CMYA5: variants seen among roughly 807,000 people sequenced by gnomAD.
CMYA5 encodes cardiomyopathy-associated protein 5.
Under a neutral mutation model 318.9 loss-of-function variants are expected in CMYA5, and 246 were observed. The observed-to-expected ratio is 0.77, with a 90% confidence interval of 0.70 to 0.86. CMYA5 has a LOEUF of 0.86. Ranked by LOEUF, CMYA5 falls within the 40% of genes least tolerant of loss-of-function variation. CMYA5 has a pLI of 0.00. For missense variants in CMYA5, 4,589 were observed against 4,678.2 expected, an observed-to-expected ratio of 0.98 and a Z score of 0.56; for synonymous variants, 1,641 against 1,729.5, an observed-to-expected ratio of 0.95 and a Z score of 1.27.
chr5:79,701,090 CAAAAAAA>C (rs1554097982), intron 1 of CMYA5, among the ~76,000 whole-genome samples: 1 of 114,926 alleles, frequency 8.7e-6, no homozygotes, highest in Admixed American at 9.7e-5. Context: ...ACTAAAAATA[CAAAAAAA>C]AAAAAAAAAA....
At chr5:79,691,154 A>G (rs962663303) in intron 1 of CMYA5, among the ~76,000 whole-genome samples, 1 of 152,200 alleles carries the variant, frequency 6.6e-6, no homozygotes, top group African/African-American at 2.4e-5. Flanking sequence ...GGTACTGTGC[A>G]AGGGCAGAAG....
At chr5:79,690,592 A>G (rs1448325226) in intron 1 of CMYA5, among the ~76,000 whole-genome samples, 2 of 152,180 alleles carry the variant, frequency 1.3e-5, no homozygotes, top group East Asian at 3.8e-4. Flanking sequence ...CCTGGTCCCA[A>G]ATCCCAAATA....
intron 9 of CMYA5, among the ~76,000 whole-genome samples, chr5:79,778,817 G>GTGTGTGTGTGTGTATGTGTA (rs1561228882): frequency 1.8e-5 from 2 of 112,910 alleles, no homozygotes; most frequent in African/African-American, 8.5e-5. Flanking sequence ...CTTTCTGTGT[G>GTGTGTGTGTGTGTATGTGTA]TGTGTGTGTG....
At chr5:79,701,201 T>C (rs1158113519) in intron 1 of CMYA5, among the ~76,000 whole-genome samples, 1 of 151,908 alleles carries the variant, frequency 6.6e-6, no homozygotes, top group African/African-American at 2.4e-5. Context: ...GTGAGTGGGA[T>C]TGCGCCACTG....
intron 8 of CMYA5, chr5:79,762,761 G>A (rs1828676616): frequency 3.5e-6 from 1 of 286,942 alleles, no homozygotes; most frequent in South Asian, 7.1e-5. Flanking sequence ...CTGGGACAGG[G>A]GAAAGAATCT....
intron 1 of CMYA5, among the ~76,000 whole-genome samples, chr5:79,723,850 A>G (rs1210982504): frequency 4.6e-5 from 7 of 152,176 alleles, no homozygotes; most frequent in Non-Finnish European, 1.0e-4. Context: ...ATTTCTAAAC[A>G]TAGTATTAGC....
chr5:79,734,640 C>T lies in CMYA5; in HGVS notation c.5875C>T (p.Gln1959Ter). The T allele has an allele frequency of 6.2e-7, 1 of 1,613,774 alleles. No homozygotes were observed. The highest frequency in any genetic ancestry group is 8.5e-7 in the Non-Finnish European group (1 of 1,179,744). ...TGCTGAAGAATCTCATTTGTCATCA[C>T]AAGAAGCAGTATCTGCTCTTGATAC... ...HSAEESHLSS[Q>*]EAVSALDTSS... Residue 1959 changes from glutamine (Q) to a stop codon, truncating the protein, a stop_gained, in exon 2 of 13, where the codon CAA becomes TAA. Coordinates refer to ENST00000446378, the MANE Select transcript of CMYA5 (RefSeq NM_153610.5). LOFTEE classifies it high-confidence loss of function.
In CMYA5 at chr5:79,736,823, A is replaced by G; in HGVS notation, c.8058A>G (p.Ser2686=). ...AGTCAGAGCTATCGAAAGGCGGTTC[A>G]GTAGATATCACAAAAGAAACTGTGA... is the stretch of plus-strand genomic sequence containing the variant. ...FRESELSKGG[S]VDITKETVKQ... Residue 2686 remains serine, a synonymous_variant, in exon 2 of 13, where the codon TCA becomes TCG. Coordinates refer to ENST00000446378, the MANE Select transcript of CMYA5 (RefSeq NM_153610.5). 6.2e-7 allele frequency: 1 copy of G among 1,613,280 alleles called. No homozygotes were observed.
At chr5:79,773,430 C>T (rs538388548) in intron 9 of CMYA5, among the ~76,000 whole-genome samples, 1 of 152,262 alleles carries the variant, frequency 6.6e-6, no homozygotes, top group African/African-American at 2.4e-5. Flanking sequence ...GGAAACCTTC[C>T]CATGGGTAAC....
In CMYA5 at chr5:79,799,508, C is replaced by G; in HGVS notation, c.12102C>G (p.Ile4034Met). The change falls in exon 13 of 13, where the codon ATC (isoleucine) becomes ATG (methionine). Residue 4034 changes from isoleucine (I) to methionine (M), a missense_variant. This residue lies in a region of CMYA5 where 2,431 missense variants were observed against 2,495.1 expected (regional missense o/e 0.97). Coordinates refer to ENST00000446378, the MANE Select transcript of CMYA5 (RefSeq NM_153610.5). ...NAESEQLLFI[I>M]RHRFNEGVHP... is the part of the protein sequence containing the mutation. The stretch of plus-strand genomic sequence containing the variant: ...AGAGCGAGCAGTTGCTCTTCATCAT[C>G]AGGCACAGGTTTAATGAGGGTGTCC... 1.2e-6 allele frequency: 2 copies of G among 1,614,016 alleles called. No individual in the cohort carries two copies. The highest frequency in any genetic ancestry group is 1.1e-5 in the South Asian group (1 of 91,078).
chr5:79,731,446 C>A lies in CMYA5; in HGVS notation c.2681C>A (p.Thr894Lys). Residue 894 changes from threonine (T) to lysine (K), a missense_variant, in exon 2 of 13, where the codon ACA (threonine) becomes AAA (lysine). This residue lies in a region of CMYA5 where 2,132 missense variants were observed against 2,131.3 expected (regional missense o/e 1.00). Transcript: ENST00000446378. ...DEEAVELERY[T>K]PSSTSASEFS... ...GAGGCAGTCGAGTTGGAACGATACA[C>A]ACCCTCTTCTACATCTGCTTCTGAA... The A allele has an allele frequency of 6.2e-7, 1 of 1,611,954 alleles. No homozygotes were observed. Among genetic ancestry groups the A allele is most frequent in the Non-Finnish European group, 8.5e-7 (1 of 1,178,774 alleles).
chr5:79,716,637 T>C (rs984544553), intron 1 of CMYA5, among the ~76,000 whole-genome samples: 1 of 152,194 alleles, frequency 6.6e-6, no homozygotes, highest in Non-Finnish European at 1.5e-5. Context: ...GATATGAATC[T>C]TTACATCACA....
chr5:79,747,068 CT>C, intron 4 of CMYA5, 22 bp from the exon 5 acceptor site: 1 of 1,367,104 alleles, frequency 7.3e-7, no homozygotes, highest in Non-Finnish European at 1.0e-6. Flanking sequence ...TCTCCTCCTC[CT>C]TCCTCTCTCT....
At position 79,793,565 on chromosome 5, in the gene CMYA5, G is replaced by A. The variant is rs764097102; in HGVS notation, c.11918G>A (p.Gly3973Glu). 3 of 1,613,694 alleles carry A rather than the reference G, an allele frequency of 1.9e-6. No homozygotes were observed. The highest frequency in any genetic ancestry group is 2.5e-6 in the Non-Finnish European group (3 of 1,179,704). ...TCGGCTGTGCAGGCAGGTGCCCTAG[G>A]ACAAGGGGAGACCTCATGGTACATG... ...SSSAVQAGALGQGETSWYMHC... is the reference protein window; with the variant it reads ...SSSAVQAGALEQGETSWYMHC... The change falls in exon 12 of 13, where the codon GGA becomes GAA. Residue 3973 changes from glycine (G) to glutamate (E), a missense_variant. Physicochemically the swap from Gly to Glu is moderately conservative, Grantham distance 98. Transcript: ENST00000446378.
Position 79,731,258 on chromosome 5 carries a change from A to G in CMYA5, c.2493A>G (p.Thr831=). Reference sequence around the variant, plus strand: ...AACCAAAAGGTATTTCTGAGCACACAGTTCTGTCAGTAGACGGCAAGGAGG... The same window carrying G: ...AACCAAAAGGTATTTCTGAGCACACGGTTCTGTCAGTAGACGGCAAGGAGG... ...QFKPKGISEH[T]VLSVDGKEVI... The change falls in exon 2 of 13, where the codon ACA becomes ACG. Residue 831 remains threonine, a synonymous_variant. Transcript: ENST00000446378. The G allele has an allele frequency of 6.2e-7, 1 of 1,614,002 alleles. No individual in the cohort carries two copies. The highest frequency in any genetic ancestry group is 8.5e-7 in the Non-Finnish European group (1 of 1,179,886).
intron 1 of CMYA5, among the ~76,000 whole-genome samples, chr5:79,711,572 A>G (rs12656371): frequency 0.09 from 13,764 of 152,288 alleles, 669 homozygotes; most frequent in East Asian, 0.16. Context: ...GAAATTAACC[A>G]CTTTCAAAAA....
At chr5:79,769,012 TA>T (rs1828807227) in intron 9 of CMYA5, among the ~76,000 whole-genome samples, 2 of 152,234 alleles carry the variant, frequency 1.3e-5, no homozygotes, top group South Asian at 4.1e-4. Flanking sequence ...TTTTTCCCTC[TA>T]ATCTTGTCCT....
At position 79,689,857 on chromosome 5, in the gene CMYA5, C is replaced by CGCGGCGCGGGCGGCT. The variant is rs1432100553; in HGVS notation, c.-50_-36dup. 1.4e-5 allele frequency: 9 copies of CGCGGCGCGGGCGGCT among 641,764 alleles called. No homozygotes were observed. The highest frequency in any genetic ancestry group is 6.3e-5 in the East Asian group (2 of 31,964). 39.8% of individuals were successfully genotyped at this position (641,764 alleles called of 1,614,324 possible). On this transcript the variant is annotated 5_prime_UTR_variant, in exon 1 of 13. Transcript: ENST00000446378. ...GAGCAGTCGGAGGGAGAACACCAGG[C>CGCGGCGCGGGCGGCT]GCGGCGCGGGCGGCTCCGGCTCCGG...
At chr5:79,710,424 G>A (rs1827367583) in intron 1 of CMYA5, among the ~76,000 whole-genome samples, 1 of 151,654 alleles carries the variant, frequency 6.6e-6, no homozygotes. Flanking sequence ...AAGTAGTTTT[G>A]AGACCAAAAG....
Sources: gnomAD v4.1 joint callset for allele counts (sites outside exome capture counted in the v4.1 genomes callset) on GRCh38, gnomAD v4.1.1 for gene constraint, gnomAD v4.1.1 regional missense constraint, MANE v1.5 for transcripts, NCBI Gene and HGNC (gene_info 2026-07-23, HGNC 2026-07-21) for gene names.